PHKB: variants seen among roughly 807,000 people sequenced by gnomAD.
PHKB encodes the protein phosphorylase b kinase regulatory subunit beta.
A neutral mutation model predicts 152.1 loss-of-function variants in PHKB; 122 were observed. The observed-to-expected ratio is 0.80, with a 90% CI of 0.69 to 0.93. The LOEUF (loss-of-function observed/expected upper bound fraction) is 0.93, where lower values mean the gene tolerates loss of function less well. Ranked by LOEUF, PHKB falls within the 40% of genes least tolerant of loss-of-function variation. PHKB has a pLI of 0.00. For missense variants in PHKB, 1,304 were observed against 1,328.4 expected (o/e 0.98, Z 0.29); for synonymous variants, 436 against 464.9 (o/e 0.94, Z 0.80).
At chr16:47,590,412 A>G (rs1249055286) in intron 10 of PHKB, 1 of 151,494 alleles carries the variant, frequency 6.6e-6, no homozygotes, top group Non-Finnish European at 1.5e-5. Context: ...ACACCACCAC[A>G]TCCAGCTTTA....
chr16:47,627,773 C>T (rs1158735239), intron 14 of PHKB, among the ~76,000 whole-genome samples: 1 of 152,198 alleles, frequency 6.6e-6, no homozygotes, highest in East Asian at 1.9e-4. Flanking sequence ...TTAATTTTCA[C>T]ATGTTGCTGC....
chr16:47,560,054 A>G (rs1048849516), intron 7 of PHKB, among the ~76,000 whole-genome samples: 1 of 152,234 alleles, frequency 6.6e-6, no homozygotes, highest in Non-Finnish European at 1.5e-5. Context: ...CTTCACTAGC[A>G]GTGATATGCT....
intron 1 of PHKB, among the ~76,000 whole-genome samples, chr16:47,465,216 C>T (rs1326091164): frequency 6.6e-6 from 1 of 152,158 alleles, no homozygotes; most frequent in Non-Finnish European, 1.5e-5. Flanking sequence ...ACTAAAAGAA[C>T]AGGAGGACAT....
intron 14 of PHKB, among the ~76,000 whole-genome samples, chr16:47,639,438 G>T (rs1194554392): frequency 6.6e-6 from 1 of 152,204 alleles, no homozygotes; most frequent in Non-Finnish European, 1.5e-5. Context: ...GGGGCAAAAG[G>T]TCCCACTTGG....
chr16:47,600,003 A>T (rs1972193478), intron 13 of PHKB, among the ~76,000 whole-genome samples: 1 of 152,208 alleles, frequency 6.6e-6, no homozygotes, highest in Non-Finnish European at 1.5e-5. Flanking sequence ...TCTCTGCTTG[A>T]CAACATTTTG....
At chr16:47,537,003 C>T (rs1297721525) in intron 6 of PHKB, among the ~76,000 whole-genome samples, 1 of 152,090 alleles carries the variant, frequency 6.6e-6, no homozygotes, top group Non-Finnish European at 1.5e-5. Flanking sequence ...AGGTTCCTGT[C>T]GGAGGATTGT....
At chr16:47,556,034 G>A (rs554273023) in intron 7 of PHKB, among the ~76,000 whole-genome samples, 1 of 152,272 alleles carries the variant, frequency 6.6e-6, no homozygotes, top group African/African-American at 2.4e-5. Context: ...TCTCTTTGAA[G>A]CCATTGTGAA....
intron 7 of PHKB, among the ~76,000 whole-genome samples, chr16:47,576,466 A>T (rs960172452): frequency 1.3e-5 from 2 of 152,186 alleles, no homozygotes; most frequent in African/African-American, 2.4e-5. Flanking sequence ...ATGTGTTTTT[A>T]AGGATTTTGA....
chr16:47,691,219 G>A (rs1974054162), intron 27 of PHKB, among the ~76,000 whole-genome samples: 1 of 152,072 alleles, frequency 6.6e-6, no homozygotes, highest in Non-Finnish European at 1.5e-5. Context: ...GAAAGATAAA[G>A]GACAACCAAG....
intron 7 of PHKB, among the ~76,000 whole-genome samples, chr16:47,578,701 G>GA (rs1021409248): frequency 6.6e-6 from 1 of 152,150 alleles, no homozygotes; most frequent in Non-Finnish European, 1.5e-5. Context: ...TATTGGAAAT[G>GA]AAAGTGTTGA....
At position 47,556,319 on chromosome 16, in the gene PHKB, G is replaced by A. The variant is rs142335268; in HGVS notation, c.710+8771G>A. Among the ~76,000 whole-genome samples the A allele has an allele frequency of 1.2e-4, 19 of 152,298 alleles. No homozygotes were observed. The East Asian group carries it at 3.5e-3, about 28-fold the overall frequency. On this transcript the variant is annotated intron_variant, in intron 7 of 30. Coordinates refer to ENST00000323584, the MANE Select transcript of PHKB (RefSeq NM_000293.3). ...TTTAACACTATGTTGAATAGGAGTG[G>A]TGAGAGAGGGCATCCCTGTCTTGTG...
At chr16:47,551,413 G>A (rs1353356567) in intron 7 of PHKB, among the ~76,000 whole-genome samples, 1 of 152,120 alleles carries the variant, frequency 6.6e-6, no homozygotes, top group Non-Finnish European at 1.5e-5. Context: ...GGTACATTGT[G>A]TCTTTGTTCT....
intron 8 of PHKB, among the ~76,000 whole-genome samples, chr16:47,582,069 G>A (rs1053449042): frequency 6.6e-6 from 1 of 152,182 alleles, no homozygotes; most frequent in Non-Finnish European, 1.5e-5. Context: ...ATATATCAAG[G>A]AGACTGAGAG....
intron 6 of PHKB, among the ~76,000 whole-genome samples, chr16:47,539,334 G>A (rs1971008821): frequency 6.6e-6 from 1 of 151,820 alleles, no homozygotes; most frequent in South Asian, 2.1e-4. Flanking sequence ...GACCCAACAT[G>A]GAACTGGCAC....
intron 7 of PHKB, chr16:47,565,148 GC>G (rs1268365439): frequency 1.8e-6 from 1 of 544,146 alleles, no homozygotes; most frequent in Non-Finnish European, 3.6e-6. Flanking sequence ...ATACTTGCTT[GC>G]AGAACTGAAC....
At chr16:47,544,605 C>G (rs1283753249) in intron 6 of PHKB, among the ~76,000 whole-genome samples, 1 of 152,116 alleles carries the variant, frequency 6.6e-6, no homozygotes, top group African/African-American at 2.4e-5. Context: ...CTATTACATG[C>G]AATTGTTCCA....
intron 1 of PHKB, among the ~76,000 whole-genome samples, chr16:47,465,777 A>G (rs1969657788): frequency 6.6e-6 from 1 of 152,214 alleles, no homozygotes; most frequent in African/African-American, 2.4e-5. Flanking sequence ...TTATTTAGAA[A>G]TACTCCATTT....
chr16:47,663,841 CTT>C (rs1338342033), intron 24 of PHKB, 107 bp downstream of exon 24: 1 of 765,378 alleles, frequency 1.3e-6, no homozygotes, highest in African/African-American at 1.7e-5. Context: ...CTAATTTTTA[CTT>C]TTAACCTCCA....
chr16:47,493,474 A>T (rs1016887041), intron 1 of PHKB, among the ~76,000 whole-genome samples: 1 of 152,218 alleles, frequency 6.6e-6, no homozygotes, highest in African/African-American at 2.4e-5. Flanking sequence ...TTAAAAGTAC[A>T]CTATTTCGAC....
Sources: allele counts gnomAD v4.1 joint callset (sites outside exome capture counted in the v4.1 genomes callset), GRCh38; gene constraint gnomAD v4.1.1; transcripts MANE v1.5; gene names NCBI Gene and HGNC (gene_info 2026-07-23, HGNC 2026-07-21).